Variants in GARNL3 observed in about 807,000 individuals in gnomAD.
The protein encoded by GARNL3 is GTPase-activating Rap/Ran-GAP domain-like protein 3.
In GARNL3, 63 loss-of-function variants were observed where a neutral mutation model predicts 125.0. The observed-to-expected ratio is 0.50, with a 90% CI of 0.41 to 0.62. GARNL3 has a LOEUF of 0.62. Among genes scored for constraint, GARNL3 ranks in the 20% least tolerant of loss-of-function variants. The probability of loss-of-function intolerance (pLI) is 0.00; values close to 1 mark genes in which losing one functional copy is unlikely to be tolerated. For missense variants in GARNL3, 994 were observed against 1,244.0 expected (o/e 0.80, Z 3.02); for synonymous variants, 439 against 457.5 (o/e 0.96, Z 0.52).
Position 127,279,956 on chromosome 9 carries a change from T to A in GARNL3, c.145-11212T>A, listed in dbSNP as rs1484271208. On this transcript the variant is annotated intron_variant, in intron 1 of 27. Transcript: ENST00000373387. ...ATTTCCAGGGTCTAGTTGGTGTTTA[T>A]CTTATAAAGCTCTGCTGGAGTGAGA... Among the ~76,000 whole-genome samples the A allele has an allele frequency of 3.3e-5, 5 of 152,306 alleles. No homozygotes were observed. In the South Asian group the frequency reaches 1.0e-3, roughly 32 times the overall value.
At chr9:127,256,446 G>A (rs764003170) in intron 2 of GARNL3, among the ~76,000 whole-genome samples, 1 of 152,192 alleles carries the variant, frequency 6.6e-6, no homozygotes, top group Non-Finnish European at 1.5e-5. Flanking sequence ...CAGTTTGCCA[G>A]ATTTGCTATA....
intron 22 of GARNL3, among the ~76,000 whole-genome samples, chr9:127,379,473 C>G (rs960897186): frequency 1.3e-5 from 2 of 152,348 alleles, no homozygotes; most frequent in Middle Eastern, 3.4e-3. Flanking sequence ...CTGGCACCCT[C>G]TCTCTGCACT....
In GARNL3 at chr9:127,387,259, G is replaced by T. The variant is rs371284464; in HGVS notation, c.2455G>T (p.Ala819Ser). 4.3e-6 allele frequency: 7 copies of T among 1,614,078 alleles called. No individual in the cohort carries two copies. In the Admixed American group the frequency reaches 1.0e-4, roughly 23 times the overall value. ...CTCATCTGGAGGCAGCTCCAAGGGG[G>T]CCAGTGCCCGAAATTCTCCTCAGAC... ...EVSSGGSSKG[A>S]SARNSPQTPP... The change falls in exon 25 of 28, where the codon GCC becomes TCC. Residue 819 changes from alanine to serine, a missense_variant. Coordinates refer to ENST00000373387, the MANE Select transcript of GARNL3 (RefSeq NM_032293.5).
At chr9:127,261,584 A>AT (rs1406387061), upstream of GARNL3, among the ~76,000 whole-genome samples, 2 of 150,798 alleles carry the variant, frequency 1.3e-5, no homozygotes, top group South Asian at 2.1e-4. Context: ...CTAATTTTGT[A>AT]TTTTTTTTAG....
chr9:127,305,948 A>G (rs1370161317), intron 2 of GARNL3, among the ~76,000 whole-genome samples: 1 of 152,114 alleles, frequency 6.6e-6, no homozygotes, highest in African/African-American at 2.4e-5. Context: ...GACAGTTGGT[A>G]TTCAGCATGC....
intron 2 of GARNL3, among the ~76,000 whole-genome samples, chr9:127,251,694 G>C (rs1284307623): frequency 6.6e-6 from 1 of 152,102 alleles, no homozygotes; most frequent in Non-Finnish European, 1.5e-5. Context: ...TTATTTTTAT[G>C]TTTGAGACTA....
intron 1 of GARNL3, among the ~76,000 whole-genome samples, chr9:127,231,493 C>T (rs1219664055): frequency 6.6e-6 from 1 of 151,992 alleles, no homozygotes; most frequent in Non-Finnish European, 1.5e-5. Flanking sequence ...ATTTTGGCTG[C>T]AATATTTCAT....
At chr9:127,391,696 G>A (rs554574914) in intron 27 of GARNL3, among the ~76,000 whole-genome samples, 6 of 129,978 alleles carry the variant, frequency 4.6e-5, no homozygotes, top group African/African-American at 1.4e-4. Context: ...GCAAGACCCC[G>A]TGTCAAAAAA....
intron 1 of GARNL3, among the ~76,000 whole-genome samples, chr9:127,274,418 C>T (rs1054307598): frequency 6.6e-6 from 1 of 152,196 alleles, no homozygotes; most frequent in Non-Finnish European, 1.5e-5. Flanking sequence ...CCTTGGGAAC[C>T]TTGATACCAG....
At chr9:127,301,155 T>C (rs1286652322) in intron 2 of GARNL3, among the ~76,000 whole-genome samples, 1 of 152,200 alleles carries the variant, frequency 6.6e-6, no homozygotes, top group African/African-American at 2.4e-5. Context: ...CAGGATCAGT[T>C]CCATCATTGT....
intron 22 of GARNL3, among the ~76,000 whole-genome samples, chr9:127,371,316 ACTTTCC>A (rs1411036473): frequency 6.6e-6 from 1 of 152,060 alleles, no homozygotes; most frequent in African/African-American, 2.4e-5. Flanking sequence ...CTATCCTCTC[ACTTTCC>A]CTAGCCAGGA....
At chr9:127,377,776 GAA>G (rs1488637552) in intron 22 of GARNL3, among the ~76,000 whole-genome samples, 1 of 81,942 alleles carries the variant, frequency 1.2e-5, no homozygotes, top group East Asian at 3.8e-4. Flanking sequence ...CTGGGCAAAA[GAA>G]CCAGACTCCG....
At chr9:127,246,133 T>G (rs1161833865) in intron 2 of GARNL3, among the ~76,000 whole-genome samples, 3 of 151,956 alleles carry the variant, frequency 2.0e-5, no homozygotes, top group Non-Finnish European at 1.5e-5. Flanking sequence ...AATCAACCCA[T>G]TGGGGAGTGG....
At chr9:127,325,230 G>T in intron 7 of GARNL3, 135 bp downstream of exon 7, 2 of 753,894 alleles carry the variant, frequency 2.7e-6, no homozygotes, top group Non-Finnish European at 4.4e-6. Flanking sequence ...CACATTGCGC[G>T]GAAAGAACTT....
intron 13 of GARNL3, among the ~76,000 whole-genome samples, chr9:127,340,522 A>G (rs960736321): frequency 6.6e-6 from 1 of 151,800 alleles, no homozygotes; most frequent in Non-Finnish European, 1.5e-5. Flanking sequence ...GCCTCCTGCC[A>G]GGTATGCTGG....
At chr9:127,249,243 A>G (rs1331240444) in intron 2 of GARNL3, among the ~76,000 whole-genome samples, 2 of 152,198 alleles carry the variant, frequency 1.3e-5, no homozygotes, top group African/African-American at 4.8e-5. Context: ...GCAAGAAACT[A>G]TGACAGGGTG....
intron 6 of GARNL3, among the ~76,000 whole-genome samples, chr9:127,322,662 T>C (rs2065439042): frequency 6.6e-6 from 1 of 152,140 alleles, no homozygotes; most frequent in Admixed American, 6.5e-5. Flanking sequence ...AGATTTCCCT[T>C]AGGAAGAGTT....
intron 22 of GARNL3, among the ~76,000 whole-genome samples, chr9:127,373,386 A>G (rs1396252169): frequency 2.0e-5 from 3 of 152,242 alleles, no homozygotes; most frequent in Non-Finnish European, 4.4e-5. Context: ...AGGTGGTGCT[A>G]TAACTTTAAG....
chr9:127,236,104 C>A (rs1272403185), intron 1 of GARNL3, among the ~76,000 whole-genome samples: 2 of 152,172 alleles, frequency 1.3e-5, no homozygotes, highest in Non-Finnish European at 2.9e-5. Flanking sequence ...ATTAGGCTCA[C>A]TCGGCATATG....
Sources: gnomAD v4.1 joint callset for allele counts (sites outside exome capture counted in the v4.1 genomes callset) on GRCh38, gnomAD v4.1.1 for gene constraint, MANE v1.5 for transcripts, NCBI Gene and HGNC (gene_info 2026-07-23, HGNC 2026-07-21) for gene names.